The following DLGAP1 variants were observed in gnomAD, a reference collection of about 807,000 sequenced individuals.
The protein encoded by DLGAP1 is DLG associated protein 1, also known as disks large-associated protein 1.
Under a neutral mutation model 90.8 loss-of-function variants are expected in DLGAP1, and 11 were observed. That is an observed-to-expected ratio of 0.12 (90% confidence interval 0.08 to 0.20). DLGAP1 has a LOEUF of 0.20. Among genes scored for constraint, DLGAP1 ranks in the 10% least tolerant of loss-of-function variants. DLGAP1 has a pLI of 1.00. For missense variants in DLGAP1, 1,050 were observed against 1,333.8 expected (o/e 0.79, Z 3.31); for synonymous variants, 558 against 540.7 (o/e 1.03, Z -0.44).
rs2066792832 is a variant in DLGAP1 at position 3,810,772 on chromosome 18, T to G, written c.1172+3287A>C. ...CCTCTATAGTGTATTTTCCTTTTTTTCTTTTGTATCTCTTTCAATCTGGTT... is the reference window on the plus strand; with the variant it reads ...CCTCTATAGTGTATTTTCCTTTTTTGCTTTTGTATCTCTTTCAATCTGGTT... On this transcript the variant is annotated intron_variant, in intron 5 of 12. Transcript: ENST00000315677. Among the ~76,000 whole-genome samples the G allele has an allele frequency of 3.3e-5, 5 of 152,140 alleles. No homozygotes were observed. In the South Asian group the frequency reaches 1.0e-3, roughly 32 times the overall value.
At chr18:4,312,708 T>G (rs2080430228) in intron 1 of DLGAP1, among the ~76,000 whole-genome samples, 1 of 152,218 alleles carries the variant, frequency 6.6e-6, no homozygotes, top group Non-Finnish European at 1.5e-5. Flanking sequence ...ATCTGTCAGT[T>G]TTATTTTACC....
intron 7 of DLGAP1, 81 bp from the exon 8 acceptor site, chr18:3,582,329 AT>A (rs2145395577): frequency 6.5e-7 from 1 of 1,534,338 alleles, no homozygotes. Context: ...GCCATTGGGA[AT>A]TAGGGCACAT....
chr18:4,208,686 T>C (rs958657180), intron 1 of DLGAP1, among the ~76,000 whole-genome samples: 2 of 151,728 alleles, frequency 1.3e-5, no homozygotes, highest in African/African-American at 4.8e-5. Context: ...GTATTTAAGA[T>C]GCTCCCTCTC....
chr18:3,625,047 T>C (rs889409845), intron 7 of DLGAP1, among the ~76,000 whole-genome samples: 18 of 152,210 alleles, frequency 1.2e-4, no homozygotes, highest in African/African-American at 3.9e-4. Context: ...TCATGGAGGC[T>C]GTCCTCCACC....
chr18:3,499,139 G>A lies in DLGAP1; in HGVS notation c.*46C>T. 2.0e-6 allele frequency: 3 copies of A among 1,469,456 alleles called. No homozygotes were observed. The highest frequency in any genetic ancestry group is 2.6e-5 in the South Asian group (2 of 76,476). The allele number at this position is 1,469,456 out of a possible 1,614,324, so 91.0% of individuals were successfully genotyped here. A position where few individuals can be genotyped will look rare whatever the true frequency, so the allele number is the denominator to read the frequency against. ...GCAGCCGGCAGAGGAGCGGCCGGGGGAGGAGGGGACAGATGCTTGGCGGCG... is the reference window on the plus strand; with the variant it reads ...GCAGCCGGCAGAGGAGCGGCCGGGGAAGGAGGGGACAGATGCTTGGCGGCG... On this transcript the variant is annotated 3_prime_UTR_variant, in exon 13 of 13. Transcript: ENST00000315677. This position sits in a 1 kb window ranked among gnomAD's most constrained non-coding sequence, Gnocchi z 6.4.
intron 3 of DLGAP1, among the ~76,000 whole-genome samples, chr18:3,976,609 T>C (rs2073586593): frequency 6.6e-6 from 1 of 152,226 alleles, no homozygotes; most frequent in South Asian, 2.1e-4. Context: ...AAGAGAAAAT[T>C]ACTCTGTTCA....
At chr18:3,638,765 G>C (rs2058816075) in intron 7 of DLGAP1, among the ~76,000 whole-genome samples, 1 of 151,980 alleles carries the variant, frequency 6.6e-6, no homozygotes, top group African/African-American at 2.4e-5. Flanking sequence ...TTTAACATCA[G>C]GCAAACATTC....
intron 7 of DLGAP1, among the ~76,000 whole-genome samples, chr18:3,672,577 C>CAAA (rs60316690): frequency 6.8e-4 from 27 of 39,578 alleles, no homozygotes; most frequent in Non-Finnish European, 1.2e-3. Flanking sequence ...AACTCTATCT[C>CAAA]AAAAAAAAAA....
intron 1 of DLGAP1, among the ~76,000 whole-genome samples, chr18:4,164,558 T>A (rs1339601945): frequency 6.6e-6 from 1 of 152,108 alleles, no homozygotes; most frequent in Non-Finnish European, 1.5e-5. Context: ...TGGGCGCCTG[T>A]AATCCCAGCT....
chr18:4,130,614 C>T (rs1443368676), intron 2 of DLGAP1, among the ~76,000 whole-genome samples: 1 of 152,140 alleles, frequency 6.6e-6, no homozygotes, highest in East Asian at 1.9e-4. Flanking sequence ...AGTCCTTGTT[C>T]TTGTGAAGTT....
At chr18:3,979,843 A>T (rs8085807) in intron 3 of DLGAP1, among the ~76,000 whole-genome samples, 60,047 of 152,136 alleles carry the variant, frequency 0.39, 12,074 homozygotes, top group Non-Finnish European at 0.42. Flanking sequence ...GTCAATTAAA[A>T]GTAAAAATAT....
intron 4 of DLGAP1, among the ~76,000 whole-genome samples, chr18:3,838,183 C>A (rs553079727): frequency 6.6e-6 from 1 of 152,168 alleles, no homozygotes; most frequent in African/African-American, 2.4e-5. Context: ...TACCCTCATA[C>A]CACATGCACA....
rs112538271 is a variant in DLGAP1 at position 4,121,950 on chromosome 18, C to A, written c.-159+29230G>T. ...AGAAAGTAGGTATTAGTATTATCTT[C>A]TTTTTAAAGGTGAGGAAACTAAATC... On this transcript the variant is annotated intron_variant, in intron 2 of 12. Transcript: ENST00000315677. Among the ~76,000 whole-genome samples the A allele has an allele frequency of 4.5e-4, 68 of 152,222 alleles. No individual in the cohort carries two copies. In the South Asian group the frequency reaches 5.6e-3, roughly 13 times the overall value.
chr18:3,771,778 G>T (rs2064562695), intron 5 of DLGAP1, among the ~76,000 whole-genome samples: 2 of 151,770 alleles, frequency 1.3e-5, no homozygotes, highest in South Asian at 4.2e-4. Context: ...GGTCTAACTA[G>T]CTAGTTAGTG....
chr18:3,688,574 T>A (rs1035189132), intron 7 of DLGAP1, among the ~76,000 whole-genome samples: 2 of 151,794 alleles, frequency 1.3e-5, no homozygotes, highest in African/African-American at 4.8e-5. Context: ...TATTTGCTTT[T>A]TTCCCATCAG....
chr18:4,139,592 A>G (rs1317605973), intron 2 of DLGAP1, among the ~76,000 whole-genome samples: 1 of 152,002 alleles, frequency 6.6e-6, no homozygotes, highest in Non-Finnish European at 1.5e-5. Context: ...TTATTCTGCC[A>G]GCCATTGGAT....
intron 5 of DLGAP1, among the ~76,000 whole-genome samples, chr18:3,759,073 G>A (rs900184206): frequency 6.7e-6 from 1 of 149,536 alleles, no homozygotes; most frequent in African/African-American, 2.5e-5. Flanking sequence ...CCTCCGTAAA[G>A]GTTTGACACG....
intron 3 of DLGAP1, among the ~76,000 whole-genome samples, chr18:3,941,106 G>C (rs547206276): frequency 4.6e-5 from 7 of 152,272 alleles, no homozygotes; most frequent in South Asian, 4.1e-4. Context: ...CTACTAGTTT[G>C]CCATACTACT....
intron 7 of DLGAP1, among the ~76,000 whole-genome samples, chr18:3,712,134 T>G (rs1975990813): frequency 1.3e-5 from 2 of 152,164 alleles, no homozygotes; most frequent in Admixed American, 1.3e-4. Flanking sequence ...GAACACACAC[T>G]TACTGAGTGG....
Sources: gnomAD v4.1 joint callset for allele counts (sites outside exome capture counted in the v4.1 genomes callset) on GRCh38, gnomAD v4.1.1 for gene constraint, Gnocchi (gnomAD v3.1) non-coding constraint, MANE v1.5 for transcripts, NCBI Gene and HGNC (gene_info 2026-07-23, HGNC 2026-07-21) for gene names.